The following PRIM2 variants were observed in gnomAD, a reference collection of about 807,000 sequenced individuals.
PRIM2 encodes the protein DNA primase large subunit.
Under a neutral mutation model 67.3 loss-of-function variants are expected in PRIM2, and 39 were observed. The ratio of observed to expected loss-of-function variants is 0.58; its 90% CI spans 0.45 to 0.76. PRIM2 has a LOEUF of 0.76. PRIM2 is among the 30% of genes least tolerant of loss of function. The pLI is 0.00. For missense variants in PRIM2, 398 were observed against 598.7 expected, an observed-to-expected ratio of 0.66 and a Z score of 3.50; for synonymous variants, 143 against 198.7, an observed-to-expected ratio of 0.72 and a Z score of 2.36.
chr6:57,365,562 T>G (rs71566852), intron 5 of PRIM2, among the ~76,000 whole-genome samples: 126 of 152,340 alleles, frequency 8.3e-4, no homozygotes, highest in South Asian at 2.7e-3. Context: ...TATTTATTTT[T>G]CTCTTATTCT....
At chr6:57,391,875 T>A (rs976001830) in intron 7 of PRIM2, among the ~76,000 whole-genome samples, 63 of 152,158 alleles carry the variant, frequency 4.1e-4, no homozygotes, top group African/African-American at 1.3e-3. Context: ...AACTTTAAAA[T>A]AGTTTTTATT....
At chr6:57,234,172 C>T in the PRIM2 span, among the ~76,000 whole-genome samples, 2 of 152,034 alleles carry the variant, frequency 1.3e-5, no homozygotes, top group African/African-American at 4.8e-5. Context: ...TCTAAGGTCT[C>T]TTGGGTGTCT....
intron 7 of PRIM2, among the ~76,000 whole-genome samples, chr6:57,439,738 A>G (rs1462352200): frequency 2.0e-5 from 3 of 151,902 alleles, no homozygotes; most frequent in East Asian, 3.9e-4. Context: ...TTAATGTTAA[A>G]CTTAGGTAAA....
At chr6:57,263,658 C>A in the PRIM2 span, among the ~76,000 whole-genome samples, 1 of 152,154 alleles carries the variant, frequency 6.6e-6, no homozygotes, top group Non-Finnish European at 1.5e-5. Context: ...AAAATACCTT[C>A]TTGGGGGGTG....
At chr6:57,502,064 G>C (rs1774143005) in intron 7 of PRIM2, among the ~76,000 whole-genome samples, 1 of 152,198 alleles carries the variant, frequency 6.6e-6, no homozygotes, top group South Asian at 2.1e-4. Flanking sequence ...ACATAGATTA[G>C]AAGGAAGGAA....
At chr6:57,308,499 G>GT in the PRIM2 span, among the ~76,000 whole-genome samples, 2 of 152,146 alleles carry the variant, frequency 1.3e-5, no homozygotes, top group Non-Finnish European at 2.9e-5. Context: ...TCTTGTTCAT[G>GT]TTTTTTGATG....
At chr6:57,263,518 C>T in the PRIM2 span, among the ~76,000 whole-genome samples, 2 of 152,054 alleles carry the variant, frequency 1.3e-5, no homozygotes, top group Non-Finnish European at 2.9e-5. Context: ...GTGGCATTCT[C>T]TTCCCTTATA....
intron 10 of PRIM2, among the ~76,000 whole-genome samples, chr6:57,538,084 T>C (rs1443130660): frequency 2.0e-5 from 3 of 152,106 alleles, no homozygotes; most frequent in Non-Finnish European, 2.9e-5. Flanking sequence ...GGTGCAATCA[T>C]GGCTCACTGC....
Position 57,356,720 on chromosome 6 carries a change from G to A in PRIM2, c.460-23181G>A, listed in dbSNP as rs551802457. Reference sequence around the variant, plus strand: ...TTGAATTCAAAGGGTAAAAGGGGAGGTTCCTTTAAATTTAGTTATTTTTTG... The same window carrying A: ...TTGAATTCAAAGGGTAAAAGGGGAGATTCCTTTAAATTTAGTTATTTTTTG... On this transcript the variant is annotated intron_variant, in intron 5 of 13. Transcript: ENST00000615550. Among the ~76,000 whole-genome samples, 198 of 152,250 alleles carry A rather than the reference G, an allele frequency of 1.3e-3. 5 individuals are homozygous for A. The East Asian group carries it at 0.017, about 13-fold the overall frequency.
intron 5 of PRIM2, among the ~76,000 whole-genome samples, chr6:57,352,010 G>C (rs561187974): frequency 5.3e-4 from 80 of 152,224 alleles, no homozygotes; most frequent in Middle Eastern, 3.4e-3. Flanking sequence ...AATCATCTAT[G>C]TAAATTGCAT....
chr6:57,559,135 G>GAA (rs1260639270), intron 10 of PRIM2, among the ~76,000 whole-genome samples: 1 of 123,162 alleles, frequency 8.1e-6, no homozygotes. Context: ...GCGTCTTAAA[G>GAA]AAAAAAAAAA....
intron 10 of PRIM2, among the ~76,000 whole-genome samples, chr6:57,563,561 A>C (rs1234541760): frequency 6.6e-6 from 1 of 152,206 alleles, no homozygotes; most frequent in Non-Finnish European, 1.5e-5. Context: ...TATATTACTT[A>C]ATGGCAGATT....
chr6:57,357,829 C>T (rs375860442), intron 5 of PRIM2, among the ~76,000 whole-genome samples: 3 of 152,100 alleles, frequency 2.0e-5, no homozygotes, highest in Non-Finnish European at 2.9e-5. Context: ...TTCCTGACCT[C>T]GTGATCCACC....
chr6:57,284,564 T>A, the PRIM2 span, among the ~76,000 whole-genome samples: 1 of 152,146 alleles, frequency 6.6e-6, no homozygotes, highest in African/African-American at 2.4e-5. Context: ...CACTCACCCC[T>A]CATTTACCTA....
intron 12 of PRIM2, among the ~76,000 whole-genome samples, chr6:57,623,076 A>G (rs1326798375): frequency 2.0e-5 from 3 of 152,226 alleles, no homozygotes; most frequent in East Asian, 1.9e-4. Context: ...TTTTGTATCT[A>G]TTTCATCTTC....
At chr6:57,301,682 T>A in the PRIM2 span, among the ~76,000 whole-genome samples, 1 of 152,154 alleles carries the variant, frequency 6.6e-6, no homozygotes, top group Admixed American at 6.5e-5. Flanking sequence ...CAAGGCATGG[T>A]GGTGCATGCC....
At chr6:57,247,096 C>T in the PRIM2 span, among the ~76,000 whole-genome samples, 5 of 152,142 alleles carry the variant, frequency 3.3e-5, no homozygotes, top group Non-Finnish European at 7.4e-5. Flanking sequence ...CCTCGTGATC[C>T]GCCCGCCTTG....
At position 57,331,800 on chromosome 6, in the gene PRIM2, T is replaced by C. The variant is rs140050574; in HGVS notation, c.459+5755T>C. The stretch of plus-strand genomic sequence containing the variant: ...AATTAGAGTCTTCTCTTTTTTTTTG[T>C]CATCTAGGTAGAGGTTTGTCAGTGT... On this transcript the variant is annotated intron_variant, in intron 5 of 13. Coordinates refer to ENST00000615550, the MANE Select transcript of PRIM2 (RefSeq NM_000947.5). 2.9e-3 allele frequency among the ~76,000 whole-genome samples: 434 copies of C among 152,110 alleles called. 2 individuals are homozygous for C. Among genetic ancestry groups the C allele is most frequent in the Admixed American group, 5.1e-3 (78 of 15,266 alleles).
intron 5 of PRIM2, among the ~76,000 whole-genome samples, chr6:57,344,722 CTAGT>C (rs1033216684): frequency 6.6e-6 from 1 of 152,090 alleles, no homozygotes; most frequent in Non-Finnish European, 1.5e-5. Context: ...ATTAAGTTTT[CTAGT>C]TAGTTGAGGC....
Sources: allele counts gnomAD v4.1 joint callset (sites outside exome capture counted in the v4.1 genomes callset), GRCh38; gene constraint gnomAD v4.1.1; transcripts MANE v1.5; gene names NCBI Gene and HGNC (gene_info 2026-07-23, HGNC 2026-07-21).